Variants in ZFAND4 observed in about 807,000 individuals in gnomAD.
ZFAND4 encodes AN1-type zinc finger protein 4.
A neutral mutation model predicts 64.4 loss-of-function variants in ZFAND4; 43 were observed. The observed-to-expected ratio is 0.67, with a 90% CI of 0.52 to 0.86. The LOEUF (loss-of-function observed/expected upper bound fraction) is 0.86, where lower values mean the gene tolerates loss of function less well. Among genes scored for constraint, ZFAND4 ranks in the 40% least tolerant of loss-of-function variants. The probability of loss-of-function intolerance (pLI) is 0.00; values close to 1 mark genes in which losing one functional copy is unlikely to be tolerated. For synonymous variants in ZFAND4, 296 were observed against 305.7 expected, an observed-to-expected ratio of 0.97 and a Z score of 0.33; for missense variants, 929 against 859.8, an observed-to-expected ratio of 1.08 and a Z score of -1.01.
intron 4 of ZFAND4, chr10:45,649,088 G>A: frequency 7.6e-6 from 2 of 263,138 alleles, no homozygotes; most frequent in Non-Finnish European, 1.2e-5. Flanking sequence ...CCAACATGGT[G>A]AAACCCCGTC....
intron 4 of ZFAND4, chr10:45,651,601 G>C: frequency 2.1e-6 from 1 of 474,072 alleles, no homozygotes; most frequent in Non-Finnish European, 4.4e-6. Context: ...TTTGCAAAAC[G>C]ATCATCATCT....
intron 2 of ZFAND4, among the ~76,000 whole-genome samples, chr10:45,660,061 C>T (rs563448099): frequency 5.0e-4 from 76 of 150,724 alleles, no homozygotes; most frequent in African/African-American, 1.8e-3. Flanking sequence ...ACTCGGGAGG[C>T]TGAGGCAGGA....
chr10:45,649,612 T>C (rs1397809797), intron 4 of ZFAND4: 1 of 152,204 alleles, frequency 6.6e-6, no homozygotes, highest in Non-Finnish European at 1.5e-5. Flanking sequence ...ATTACTAACA[T>C]AAAAATCTTA....
At chr10:45,648,589 T>C in intron 4 of ZFAND4, 55 bp from the exon 5 acceptor site, 1 of 1,545,848 alleles carries the variant, frequency 6.5e-7, no homozygotes, top group Non-Finnish European at 8.7e-7. Flanking sequence ...TTATGCATCT[T>C]GGTACAGTGA....
At chr10:45,650,104 T>C (rs1464393017) in intron 4 of ZFAND4, 6 of 152,322 alleles carry the variant, frequency 3.9e-5, no homozygotes, top group Non-Finnish European at 8.8e-5. Flanking sequence ...AACAATTTTT[T>C]TTTATTTGTA....
At chr10:45,652,297 A>G (rs767341025) in intron 3 of ZFAND4, among the ~76,000 whole-genome samples, 2 of 152,212 alleles carry the variant, frequency 1.3e-5, no homozygotes, top group Non-Finnish European at 2.9e-5. Context: ...TAGCCTGTTC[A>G]TTTCACATTA....
intron 9 of ZFAND4, chr10:45,617,660 G>A (rs181295138): frequency 1.3e-5 from 2 of 149,426 alleles, no homozygotes; most frequent in East Asian, 3.9e-4. Flanking sequence ...CCAATCTAAG[G>A]GCAGACATCC....
intron 8 of ZFAND4, among the ~76,000 whole-genome samples, chr10:45,620,149 G>A (rs901455838): frequency 6.6e-6 from 1 of 151,882 alleles, no homozygotes; most frequent in Non-Finnish European, 1.5e-5. Flanking sequence ...TTTTCTTAGG[G>A]GATGCTTAAC....
chr10:45,621,723 C>G (rs1005058631), intron 8 of ZFAND4, among the ~76,000 whole-genome samples: 1 of 151,904 alleles, frequency 6.6e-6, no homozygotes, highest in African/African-American at 2.4e-5. Context: ...GCCTGGGAGA[C>G]AGAGTGAGAC....
At chr10:45,640,216 T>C in intron 5 of ZFAND4, 1 of 1,239,012 alleles carries the variant, frequency 8.1e-7, no homozygotes, top group Non-Finnish European at 1.0e-6. Context: ...CAGTATATCA[T>C]AAATGAAGAT....
Position 45,618,210 on chromosome 10 carries a change from T to G in ZFAND4, c.1978A>C (p.Lys660Gln). 6.2e-7 allele frequency: 1 copy of G among 1,613,764 alleles called. No individual in the cohort carries two copies. The highest frequency in any genetic ancestry group is 8.5e-7 in the Non-Finnish European group (1 of 1,179,848). ...AAACAATGATTTGTTGTTTTCTTCT[T>G]TGTCTGAAGAGGGGCTTTCACAGGT... ...LPPVKAPLQT[K>Q]KKTTNHCFLC... The change falls in exon 9 of 10, where the codon AAG becomes CAG. Residue 660 changes from lysine to glutamine, a missense_variant. Coordinates refer to ENST00000344646, the MANE Select transcript of ZFAND4 (RefSeq NM_174890.4).
chr10:45,658,697 A>G (rs1234728333), intron 2 of ZFAND4, among the ~76,000 whole-genome samples: 1 of 152,202 alleles, frequency 6.6e-6, no homozygotes, highest in East Asian at 1.9e-4. Flanking sequence ...TTTTTTAAAC[A>G]AAAAAATATT....
chr10:45,642,256 C>A (rs766204185), intron 5 of ZFAND4, among the ~76,000 whole-genome samples: 5 of 152,064 alleles, frequency 3.3e-5, no homozygotes, highest in Non-Finnish European at 7.4e-5. Flanking sequence ...AAGACCTATT[C>A]TCTCATGGAA....
chr10:45,660,995 T>C (rs2048436382), intron 2 of ZFAND4, among the ~76,000 whole-genome samples: 1 of 152,176 alleles, frequency 6.6e-6, no homozygotes, highest in African/African-American at 2.4e-5. Context: ...TGGACCCATA[T>C]TGCAAGAAAT....
At chr10:45,649,664 G>A (rs571836204) in intron 4 of ZFAND4, 11 of 152,300 alleles carry the variant, frequency 7.2e-5, no homozygotes, top group Admixed American at 5.2e-4. Flanking sequence ...TTATTTGGAT[G>A]TTTTGATTTA....
intron 6 of ZFAND4, among the ~76,000 whole-genome samples, chr10:45,632,573 G>C (rs766397205): frequency 2.7e-4 from 41 of 152,222 alleles, no homozygotes; most frequent in Admixed American, 3.9e-4. Flanking sequence ...GCAAATAAAA[G>C]AGGAGAAGGT....
intron 6 of ZFAND4, among the ~76,000 whole-genome samples, chr10:45,628,258 C>G (rs1020728641): frequency 8.5e-5 from 13 of 152,104 alleles, no homozygotes; most frequent in African/African-American, 2.9e-4. Flanking sequence ...TCAGTGGATA[C>G]CAACTGAGGC....
chr10:45,666,943 T>C (rs1330363808), intron 1 of ZFAND4, among the ~76,000 whole-genome samples: 1 of 152,158 alleles, frequency 6.6e-6, no homozygotes, highest in African/African-American at 2.4e-5. Context: ...GGCCTCCAAT[T>C]TGTTCTTTTT....
intron 8 of ZFAND4, among the ~76,000 whole-genome samples, chr10:45,619,672 G>A (rs1159031809): frequency 2.0e-5 from 3 of 151,882 alleles, no homozygotes; most frequent in South Asian, 2.1e-4. Context: ...CAAAAAATTG[G>A]ATTTACAATT....
Sources: gnomAD v4.1 joint callset for allele counts (sites outside exome capture counted in the v4.1 genomes callset) on GRCh38, gnomAD v4.1.1 for gene constraint, MANE v1.5 for transcripts, NCBI Gene and HGNC (gene_info 2026-07-23, HGNC 2026-07-21) for gene names.